COL24A1: variants seen among roughly 807,000 people sequenced by gnomAD.
COL24A1 encodes the protein collagen type XXIV alpha 1 chain.
A neutral mutation model predicts 253.9 loss-of-function variants in COL24A1; 224 were observed. The observed-to-expected ratio is 0.88, with a 90% CI of 0.79 to 0.99. The LOEUF is 0.99. Ranked by LOEUF, COL24A1 falls within the 50% of genes least tolerant of loss-of-function variation. The probability of loss-of-function intolerance (pLI) is 0.00; values close to 1 mark genes in which losing one functional copy is unlikely to be tolerated. For missense variants in COL24A1, 2,131 were observed against 2,068.5 expected, an observed-to-expected ratio of 1.03 and a Z score of -0.59; for synonymous variants, 685 against 673.7, an observed-to-expected ratio of 1.02 and a Z score of -0.26.
intron 5 of COL24A1, 80 bp from the exon 6 acceptor site, chr1:86,092,400 A>G (rs1703565630): frequency 2.0e-6 from 2 of 987,494 alleles, no homozygotes; most frequent in Non-Finnish European, 3.2e-6. Flanking sequence ...ATTTATTACC[A>G]GATGTTATAT....
In COL24A1 at chr1:85,874,644, C is replaced by T. The variant is rs773265483; in HGVS notation, c.3138+5G>A. On this transcript the variant is annotated splice_donor_5th_base_variant and intron_variant, in intron 35 of 59. Coordinates refer to ENST00000370571, the MANE Select transcript of COL24A1 (RefSeq NM_152890.7). Reference sequence around the variant, plus strand: ...GTATTAAAAGAGTTTCAAGGGGGCACTCACCCGTAAACCTGGTTCCCCAGT... The same window carrying T: ...GTATTAAAAGAGTTTCAAGGGGGCATTCACCCGTAAACCTGGTTCCCCAGT... 47 of 1,612,120 alleles carry T rather than the reference C, an allele frequency of 2.9e-5. No homozygotes were observed. The highest frequency in any genetic ancestry group is 3.9e-5 in the Non-Finnish European group (46 of 1,179,728).
chr1:86,117,689 T>C (rs1279778392), intron 3 of COL24A1, among the ~76,000 whole-genome samples: 1 of 152,214 alleles, frequency 6.6e-6, no homozygotes, highest in Non-Finnish European at 1.5e-5. Flanking sequence ...ATTTTCTAGA[T>C]ACCAGAGAAG....
chr1:86,050,051 A>T, intron 11 of COL24A1, 73 bp downstream of exon 11: 1 of 1,318,260 alleles, frequency 7.6e-7, no homozygotes, highest in Non-Finnish European at 1.1e-6. Context: ...CTGACATCTG[A>T]TTTTATGACC....
chr1:86,113,297 T>C (rs1441797246), intron 4 of COL24A1, among the ~76,000 whole-genome samples: 2 of 152,170 alleles, frequency 1.3e-5, no homozygotes, highest in East Asian at 1.9e-4. Context: ...AACCAGTAAG[T>C]AGAGGAACAG....
At chr1:85,880,598 T>G (rs1480291925) in intron 32 of COL24A1, among the ~76,000 whole-genome samples, 1 of 152,228 alleles carries the variant, frequency 6.6e-6, no homozygotes, top group Non-Finnish European at 1.5e-5. Context: ...GTTTTCCTTA[T>G]TCCCTTGTTC....
At chr1:85,736,463 G>T (rs749766831) in intron 58 of COL24A1, 1 of 456,156 alleles carries the variant, frequency 2.2e-6, no homozygotes, top group Non-Finnish European at 4.4e-6. Flanking sequence ...TATTTTGGAA[G>T]TAGGACTATC....
At chr1:85,945,018 T>TTTTTTTTTTTTTTTTTTTTTTTTG (rs1689174688) in intron 24 of COL24A1, among the ~76,000 whole-genome samples, 2 of 86,852 alleles carry the variant, frequency 2.3e-5, no homozygotes, top group Non-Finnish European at 2.3e-5. Flanking sequence ...TTTTTTTTTT[T>TTTTTTTTTTTTTTTTTTTTTTTTG]TTTTTTTTTT....
chr1:85,977,204 A>G (rs1385585920), intron 20 of COL24A1, among the ~76,000 whole-genome samples: 1 of 152,228 alleles, frequency 6.6e-6, no homozygotes, highest in African/African-American at 2.4e-5. Flanking sequence ...ACCCCATGGG[A>G]CAAATTAATC....
intron 55 of COL24A1, among the ~76,000 whole-genome samples, chr1:85,747,554 A>C (rs535058729): frequency 2.0e-5 from 3 of 152,276 alleles, no homozygotes; most frequent in Admixed American, 2.0e-4. Flanking sequence ...CAAAACAAAA[A>C]AATTAATGAG....
At chr1:85,759,907 T>G (rs563571587) in intron 55 of COL24A1, among the ~76,000 whole-genome samples, 1 of 152,330 alleles carries the variant, frequency 6.6e-6, no homozygotes, top group East Asian at 1.9e-4. Flanking sequence ...GAACTTGTTC[T>G]TTCTTGAGAA....
intron 13 of COL24A1, 89 bp downstream of exon 13, chr1:86,033,781 C>T: frequency 1.7e-6 from 2 of 1,176,458 alleles, no homozygotes; most frequent in Non-Finnish European, 2.4e-6. Flanking sequence ...AGTGTTTATT[C>T]ACAAATATGA....
At chr1:85,865,487 T>C (rs1377598010) in intron 37 of COL24A1, among the ~76,000 whole-genome samples, 1 of 152,136 alleles carries the variant, frequency 6.6e-6, no homozygotes, top group Non-Finnish European at 1.5e-5. Context: ...TGGGAAAAAT[T>C]ATGAAGCAGA....
intron 53 of COL24A1, among the ~76,000 whole-genome samples, chr1:85,769,364 C>G (rs1667720869): frequency 6.6e-6 from 1 of 151,834 alleles, no homozygotes; most frequent in African/African-American, 2.4e-5. Context: ...TAAGGCGTCT[C>G]AGGAAGGTGG....
Position 85,781,274 on chromosome 1 carries a change from C to T in COL24A1, c.4285-1G>A. On this transcript the variant is annotated splice_acceptor_variant, in intron 51 of 59. Transcript: ENST00000370571. LOFTEE classifies it high-confidence loss of function. ...CTCTGCCAAGGGGACCAGTGTTTCC[C>T]TGTTGAGGTAAAAGAAAAACAGTCT... 6.3e-7 allele frequency: 1 copy of T among 1,599,468 alleles called. No individual in the cohort carries two copies. Among genetic ancestry groups the T allele is most frequent in the African/African-American group, 1.4e-5 (1 of 73,930 alleles).
At chr1:86,117,315 G>T (rs1365359318) in intron 3 of COL24A1, among the ~76,000 whole-genome samples, 1 of 152,168 alleles carries the variant, frequency 6.6e-6, no homozygotes, top group African/African-American at 2.4e-5. Flanking sequence ...AGGCATAAGG[G>T]AGTTAGTTCA....
intron 53 of COL24A1, among the ~76,000 whole-genome samples, chr1:85,762,912 T>C (rs1239019895): frequency 6.6e-6 from 1 of 152,166 alleles, no homozygotes; most frequent in African/African-American, 2.4e-5. Context: ...CAGCTTATTA[T>C]TCAGAACAAG....
At chr1:85,772,247 C>G (rs1463106989) in intron 53 of COL24A1, among the ~76,000 whole-genome samples, 3 of 151,658 alleles carry the variant, frequency 2.0e-5, no homozygotes, top group Non-Finnish European at 2.9e-5. Flanking sequence ...CAAATCAAAA[C>G]TACAATGAGA....
intron 53 of COL24A1, among the ~76,000 whole-genome samples, chr1:85,772,582 T>A (rs1668099869): frequency 6.6e-6 from 1 of 152,118 alleles, no homozygotes; most frequent in Admixed American, 6.5e-5. Context: ...TGAGATGGTG[T>A]CTCATTGTGG....
chr1:85,741,127 AAAAAAG>A (rs1361498159), intron 57 of COL24A1, among the ~76,000 whole-genome samples: 1 of 151,280 alleles, frequency 6.6e-6, no homozygotes, highest in South Asian at 2.1e-4. Flanking sequence ...TCAAAAAAAA[AAAAAAG>A]AAAAGAAAAG....
Sources: gnomAD v4.1 joint callset for allele counts (sites outside exome capture counted in the v4.1 genomes callset) on GRCh38, gnomAD v4.1.1 for gene constraint, MANE v1.5 for transcripts, NCBI Gene and HGNC (gene_info 2026-07-23, HGNC 2026-07-21) for gene names.